The following GPR137B variants were observed in gnomAD, a reference collection of about 807,000 sequenced individuals.
GPR137B encodes the protein G protein-coupled receptor 137B, also known as integral membrane protein GPR137B.
In GPR137B, 42 loss-of-function variants were observed where a neutral mutation model predicts 42.5. The observed-to-expected ratio is 0.99, with a 90% CI of 0.77 to 1.28. The LOEUF (loss-of-function observed/expected upper bound fraction) is 1.28. GPR137B is among the 50% of genes most tolerant of loss of function. GPR137B has a pLI of 0.00. For synonymous variants in GPR137B, 218 were observed against 209.7 expected (o/e 1.04, Z -0.34); for missense variants, 487 against 493.9 (o/e 0.99, Z 0.13).
In GPR137B at chr1:236,208,084, A is replaced by G. The variant is rs753919251; in HGVS notation, c.1126A>G (p.Thr376Ala). 1.7e-5 allele frequency: 28 copies of G among 1,613,562 alleles called. No individual in the cohort carries two copies. The highest frequency in any genetic ancestry group is 2.3e-5 in the Non-Finnish European group (27 of 1,179,508). The change falls in exon 7 of 7, where the codon ACT (threonine) becomes GCT (alanine). Residue 376 changes from threonine to alanine, a missense_variant. Coordinates refer to ENST00000366592, the MANE Select transcript of GPR137B (RefSeq NM_003272.4). ...APDYYDWGQQ[T>A]NSFLAQAGTL... is the part of the protein sequence containing the mutation. ...AGATTACTATGATTGGGGACAACAA[A>G]CTAACAGCTTCCTGGCACAAGCAGG... is the stretch of plus-strand genomic sequence containing the variant.
At chr1:236,144,198 T>G (rs1661620093) in intron 1 of GPR137B, among the ~76,000 whole-genome samples, 1 of 152,048 alleles carries the variant, frequency 6.6e-6, no homozygotes, top group Non-Finnish European at 1.5e-5. Context: ...GAGGATCGCT[T>G]GTGTCCCTGA....
rs149318312 is a variant in GPR137B, at chr1:236,155,971, GCA to G, written c.415-12727_415-12726del. The stretch of plus-strand genomic sequence containing the variant: ...CACACATACACAAACGCACACACAT[GCA>G]CACACACGCGCGCGCGCAAACACAC... On this transcript the variant is annotated intron_variant, in intron 1 of 6. Coordinates refer to ENST00000366592, the MANE Select transcript of GPR137B (RefSeq NM_003272.4). The surrounding 1 kb of genome is among the most constrained non-coding windows in gnomAD (Gnocchi z 4.6). 1.6e-4 allele frequency among the ~76,000 whole-genome samples: 24 copies of G among 152,268 alleles called. No homozygotes were observed. Among genetic ancestry groups the G allele is most frequent in the East Asian group, 1.4e-3 (7 of 5,180 alleles).
chr1:236,173,094 A>C lies in GPR137B; in HGVS notation c.464+4339A>C, dbSNP rs372671837. Among the ~76,000 whole-genome samples, 868 of 150,276 alleles carry C rather than the reference A, an allele frequency of 5.8e-3. 7 individuals are homozygous for C. The highest frequency in any genetic ancestry group is 0.018 in the African/African-American group (753 of 41,286). On this transcript the variant is annotated intron_variant, in intron 2 of 6. Transcript: ENST00000366592. ...CATCACTTGAGCCCAGGAGTTCAAG[A>C]CCAGCCGTGACAACAGAGCAAGATC... is the stretch of plus-strand genomic sequence containing the variant.
Position 236,142,718 on chromosome 1 carries a change from G to T in GPR137B, c.96G>T (p.Thr32=). The T allele has an allele frequency of 6.2e-7, 1 of 1,605,820 alleles. No homozygotes were observed. Among genetic ancestry groups the T allele is most frequent in the Middle Eastern group, 1.7e-4 (1 of 6,058 alleles). ...DPARNDSLPP[T]LTPAVPPYVK... is the part of the protein sequence containing the mutation. ...CCCGCAACGACTCGCTGCCGCCCAC[G>T]CTGACCCCGGCCGTGCCCCCCTACG... The change falls in exon 1 of 7, where the codon ACG becomes ACT. Residue 32 remains threonine, a synonymous_variant. Coordinates refer to ENST00000366592, the MANE Select transcript of GPR137B (RefSeq NM_003272.4).
chr1:236,143,550 A>G (rs1488532910), intron 1 of GPR137B, among the ~76,000 whole-genome samples: 1 of 152,158 alleles, frequency 6.6e-6, no homozygotes, highest in Non-Finnish European at 1.5e-5. Context: ...AGATGTTTTG[A>G]ACCTCCGGCT....
chr1:236,156,738 T>G lies in GPR137B; in HGVS notation c.415-11968T>G, dbSNP rs1662040389. Among the ~76,000 whole-genome samples, 2 of 152,322 alleles carry G rather than the reference T, an allele frequency of 1.3e-5. No homozygotes were observed. The highest frequency in any genetic ancestry group is 4.8e-5 in the African/African-American group (2 of 41,574). ...GGATGCTCAGCATGTGGGAACAGACTGAAGCAGCTGACTAATGACTGTTGC... is the reference window on the plus strand; with the variant it reads ...GGATGCTCAGCATGTGGGAACAGACGGAAGCAGCTGACTAATGACTGTTGC... On this transcript the variant is annotated intron_variant, in intron 1 of 6. Transcript: ENST00000366592. This position sits in a 1 kb window ranked among gnomAD's most constrained non-coding sequence, Gnocchi z 4.8.
At chr1:236,180,562 T>G (rs1228364523) in intron 4 of GPR137B, among the ~76,000 whole-genome samples, 4 of 152,134 alleles carry the variant, frequency 2.6e-5, no homozygotes, top group African/African-American at 9.7e-5. Flanking sequence ...TGTGTATGTA[T>G]CCACATACAT....
intron 1 of GPR137B, among the ~76,000 whole-genome samples, chr1:236,143,733 C>G (rs1291021725): frequency 1.3e-5 from 2 of 152,170 alleles, no homozygotes; most frequent in Non-Finnish European, 2.9e-5. Flanking sequence ...TTTACAGCCA[C>G]ACAAAAATCA....
chr1:236,184,770 G>GT (rs67144243), intron 5 of GPR137B, among the ~76,000 whole-genome samples: 12,203 of 150,588 alleles, frequency 0.081, 1,440 homozygotes, highest in African/African-American at 0.26. Context: ...TTGCTTTTTG[G>GT]TTTTTTTTTC....
intron 3 of GPR137B, among the ~76,000 whole-genome samples, chr1:236,178,901 C>A (rs1382314437): frequency 6.9e-6 from 1 of 144,874 alleles, no homozygotes; most frequent in Non-Finnish European, 1.5e-5. Context: ...AGGTTCACGC[C>A]ATTCTCCTGC....
At chr1:236,200,370 G>T (rs1314037584) in intron 5 of GPR137B, among the ~76,000 whole-genome samples, 1 of 151,984 alleles carries the variant, frequency 6.6e-6, no homozygotes, top group African/African-American at 2.4e-5. Flanking sequence ...AAGTCCGTTT[G>T]TTCTAGGGTA....
chr1:236,205,631 C>T (rs543824041), intron 6 of GPR137B, among the ~76,000 whole-genome samples: 5 of 152,316 alleles, frequency 3.3e-5, no homozygotes, highest in East Asian at 3.9e-4. Flanking sequence ...ACCTCCCGCT[C>T]CCAGGTTCAA....
intron 5 of GPR137B, among the ~76,000 whole-genome samples, chr1:236,188,546 CGAA>C (rs1663099896): frequency 6.6e-6 from 1 of 151,994 alleles, no homozygotes; most frequent in Non-Finnish European, 1.5e-5. Context: ...TGAATTTTGT[CGAA>C]GGTCTTTTCT....
Position 236,142,704 on chromosome 1 carries a change from T to A in GPR137B, c.82T>A (p.Ser28Thr), listed in dbSNP as rs148299142. Reference sequence around the variant, plus strand: ...GCCGTGGGACCCAGCCCGCAACGACTCGCTGCCGCCCACGCTGACCCCGGC... The same window carrying A: ...GCCGTGGGACCCAGCCCGCAACGACACGCTGCCGCCCACGCTGACCCCGGC... ...TPPWDPARND[S>T]LPPTLTPAVP... is the part of the protein sequence containing the mutation. The change falls in exon 1 of 7, where the codon TCG (serine) becomes ACG (threonine). Residue 28 changes from serine (S) to threonine (T), a missense_variant. By Grantham distance (58) the Ser-to-Thr change is moderately conservative. Transcript: ENST00000366592. 6.3e-7 allele frequency: 1 copy of A among 1,596,910 alleles called. No homozygotes were observed. The highest frequency in any genetic ancestry group is 8.5e-7 in the Non-Finnish European group (1 of 1,175,432).
chr1:236,151,663 C>T (rs1661870204), intron 1 of GPR137B, among the ~76,000 whole-genome samples: 1 of 152,066 alleles, frequency 6.6e-6, no homozygotes, highest in Non-Finnish European at 1.5e-5. Flanking sequence ...ACCTCATGAT[C>T]CGCCTGCCTC....
intron 5 of GPR137B, among the ~76,000 whole-genome samples, chr1:236,191,514 G>A (rs12078086): frequency 0.33 from 50,461 of 151,954 alleles, 8,966 homozygotes; most frequent in East Asian, 0.61. Flanking sequence ...GGTGACCTTC[G>A]GATGGGGTCT....
chr1:236,205,085 T>C, intron 5 of GPR137B, 41 bp from the exon 6 acceptor site: 1 of 1,556,944 alleles, frequency 6.4e-7, no homozygotes, highest in Non-Finnish European at 8.8e-7. Context: ...GTGCAAGGCA[T>C]GATGTCTGTA....
At chr1:236,203,766 A>G (rs1211185144) in intron 5 of GPR137B, among the ~76,000 whole-genome samples, 4 of 152,184 alleles carry the variant, frequency 2.6e-5, no homozygotes, top group African/African-American at 4.8e-5. Flanking sequence ...TGTGGCTATT[A>G]TAAGTGGGAT....
At chr1:236,147,075 C>T (rs1661701379) in intron 1 of GPR137B, among the ~76,000 whole-genome samples, 4 of 152,226 alleles carry the variant, frequency 2.6e-5, no homozygotes, top group Admixed American at 2.6e-4. Flanking sequence ...TCCCAAAGTG[C>T]TGGGATTGCA....
Sources: gnomAD v4.1 joint callset for allele counts (sites outside exome capture counted in the v4.1 genomes callset) on GRCh38, gnomAD v4.1.1 for gene constraint, Gnocchi (gnomAD v3.1) non-coding constraint, MANE v1.5 for transcripts, NCBI Gene and HGNC (gene_info 2026-07-23, HGNC 2026-07-21) for gene names.